Variants in PHF24 observed in about 807,000 individuals in gnomAD.
PHF24 encodes the protein Galpha inhibitory interacting protein.
A neutral mutation model predicts 42.6 loss-of-function variants in PHF24; 25 were observed. The ratio of observed to expected loss-of-function variants is 0.59; its 90% CI spans 0.43 to 0.82. The LOEUF (loss-of-function observed/expected upper bound fraction) is 0.82. Among genes scored for constraint, PHF24 ranks in the 40% least tolerant of loss-of-function variants. PHF24 has a pLI of 0.00. For synonymous variants in PHF24, 185 were observed against 204.8 expected, an observed-to-expected ratio of 0.90 and a Z score of 0.83; for missense variants, 470 against 538.1, an observed-to-expected ratio of 0.87 and a Z score of 1.25.
At chr9:34,912,424 C>T in the PHF24 span, among the ~76,000 whole-genome samples, 4 of 152,140 alleles carry the variant, frequency 2.6e-5, no homozygotes, top group Non-Finnish European at 5.9e-5. Flanking sequence ...TATTGAAAAT[C>T]CGGCAGAGGA....
At chr9:34,746,468 T>C in the PHF24 span, among the ~76,000 whole-genome samples, 192 of 152,292 alleles carry the variant, frequency 1.3e-3, 1 homozygote, top group East Asian at 0.018. Flanking sequence ...TATGAGTGAA[T>C]TGGGTTTATT....
the PHF24 span, among the ~76,000 whole-genome samples, chr9:34,797,080 G>A: frequency 2.6e-4 from 39 of 152,328 alleles, no homozygotes; most frequent in East Asian, 6.6e-3. Flanking sequence ...AAAAGGTGTT[G>A]CAACAGGATA....
At chr9:34,775,259 A>G in the PHF24 span, among the ~76,000 whole-genome samples, 1 of 152,222 alleles carries the variant, frequency 6.6e-6, no homozygotes, top group African/African-American at 2.4e-5. Flanking sequence ...ATGAACCTTG[A>G]AGATTTTATA....
chr9:34,692,152 C>G, the PHF24 span, among the ~76,000 whole-genome samples: 5 of 152,200 alleles, frequency 3.3e-5, no homozygotes, highest in Middle Eastern at 3.4e-3. Flanking sequence ...GCCCAGTCAC[C>G]CGTCGTCACC....
At chr9:34,699,367 C>A in the PHF24 span, among the ~76,000 whole-genome samples, 1 of 152,218 alleles carries the variant, frequency 6.6e-6, no homozygotes, top group Non-Finnish European at 1.5e-5. Context: ...AAGGGAAGTC[C>A]TCTCAGTGGG....
the PHF24 span, chr9:34,690,446 G>GTT: frequency 1.1e-6 from 1 of 937,572 alleles, no homozygotes; most frequent in Non-Finnish European, 1.6e-6. Flanking sequence ...GTGTGTGTGT[G>GTT]TGTGTGTGTG....
chr9:34,691,637 T>G, the PHF24 span, among the ~76,000 whole-genome samples: 1 of 152,182 alleles, frequency 6.6e-6, no homozygotes, highest in Admixed American at 6.5e-5. Flanking sequence ...CTTAGGTTTA[T>G]CCCTTGTCCT....
chr9:34,909,660 C>A, the PHF24 span, among the ~76,000 whole-genome samples: 54 of 149,648 alleles, frequency 3.6e-4, 1 homozygote, highest in Admixed American at 1.1e-3. Context: ...CTCGCTCTGT[C>A]GCCCAGGCTG....
At chr9:34,791,073 G>A in the PHF24 span, among the ~76,000 whole-genome samples, 3 of 152,206 alleles carry the variant, frequency 2.0e-5, no homozygotes, top group African/African-American at 7.2e-5. Context: ...AGACGGTTGA[G>A]CCAGGATGTA....
At chr9:34,925,731 A>T in the PHF24 span, among the ~76,000 whole-genome samples, 1 of 151,942 alleles carries the variant, frequency 6.6e-6, no homozygotes, top group Non-Finnish European at 1.5e-5. Context: ...CTTGTATCTC[A>T]ATCCATTTCC....
At chr9:34,886,834 G>GTATCTATGTATC in the PHF24 span, among the ~76,000 whole-genome samples, 54 of 148,810 alleles carry the variant, frequency 3.6e-4, no homozygotes, top group Middle Eastern at 3.4e-3. Flanking sequence ...ATGTATCTAT[G>GTATCTATGTATC]TATCTATCTA....
At chr9:34,754,928 A>G in the PHF24 span, among the ~76,000 whole-genome samples, 1 of 152,230 alleles carries the variant, frequency 6.6e-6, no homozygotes, top group East Asian at 1.9e-4. Context: ...GGAAGTCATT[A>G]TGTTAAGTGA....
the PHF24 span, among the ~76,000 whole-genome samples, chr9:34,872,739 C>G: frequency 2.3e-4 from 34 of 149,922 alleles, no homozygotes; most frequent in African/African-American, 7.4e-4. Flanking sequence ...GGATGGCTGG[C>G]TCAAATGGTA....
chr9:34,691,116 G>C, the PHF24 span: 1 of 1,613,084 alleles, frequency 6.2e-7, no homozygotes, highest in Non-Finnish European at 8.5e-7. Context: ...GAACCAGCAG[G>C]CTGAGGGCCA....
upstream of PHF24, among the ~76,000 whole-genome samples, chr9:34,956,661 CACTT>C (rs1563922955): frequency 6.6e-6 from 1 of 152,196 alleles, no homozygotes; most frequent in Non-Finnish European, 1.5e-5. Flanking sequence ...AGAAATAAAA[CACTT>C]ACTAAAAACA....
chr9:34,686,806 C>T, the PHF24 span, among the ~76,000 whole-genome samples: 1 of 152,166 alleles, frequency 6.6e-6, no homozygotes. Flanking sequence ...GAGTCCACAC[C>T]ACTCCTCAGA....
At chr9:34,971,296 G>C in exon 2 of PHF24, 3 of 1,596,366 alleles carry the variant, frequency 1.9e-6, no homozygotes, top group Non-Finnish European at 2.6e-6. Context: ...TGTCCACAGA[G>C]CCATGGGGGT....
chr9:34,805,174 G>A, the PHF24 span, among the ~76,000 whole-genome samples: 1 of 152,174 alleles, frequency 6.6e-6, no homozygotes, highest in African/African-American at 2.4e-5. Flanking sequence ...GAGCATTCAT[G>A]TAAAAGTTTT....
the PHF24 span, among the ~76,000 whole-genome samples, chr9:34,874,016 G>A: frequency 6.6e-6 from 1 of 152,152 alleles, no homozygotes; most frequent in Non-Finnish European, 1.5e-5. Context: ...TGGTGTATAA[G>A]AATGCTTGTG....
Sources: allele counts gnomAD v4.1 joint callset (sites outside exome capture counted in the v4.1 genomes callset), GRCh38; gene constraint gnomAD v4.1.1; transcripts MANE v1.5; gene names NCBI Gene and HGNC (gene_info 2026-07-23, HGNC 2026-07-21).